PSD3: variants seen among roughly 807,000 people sequenced by gnomAD.
The protein encoded by PSD3 is pleckstrin and Sec7 domain containing 3.
Under a neutral mutation model 105.5 loss-of-function variants are expected in PSD3, and 49 were observed. That is an observed-to-expected ratio of 0.46 (90% CI 0.37 to 0.59). The LOEUF (loss-of-function observed/expected upper bound fraction) is 0.59, where lower values mean the gene tolerates loss of function less well. Among genes scored for constraint, PSD3 ranks in the 20% least tolerant of loss-of-function variants. The probability of loss-of-function intolerance (pLI) is 0.00; values close to 1 mark genes in which losing one functional copy is unlikely to be tolerated. For synonymous variants in PSD3, 557 were observed against 457.8 expected (o/e 1.22, Z -2.77); for missense variants, 1,561 against 1,263.8 (o/e 1.24, Z -3.57).
chr8:18,566,122 G>A (rs1563328373), intron 14 of PSD3, among the ~76,000 whole-genome samples: 2 of 152,084 alleles, frequency 1.3e-5, no homozygotes, highest in South Asian at 4.1e-4. Flanking sequence ...AGCCTCAGGT[G>A]CTACTCCAAA....
At chr8:19,083,851 A>C (rs1259048866) in intron 1 of PSD3, among the ~76,000 whole-genome samples, 1 of 152,194 alleles carries the variant, frequency 6.6e-6, no homozygotes, top group Non-Finnish European at 1.5e-5. Context: ...GATGTGAGAA[A>C]ATGCCTAGCA....
chr8:18,902,753 T>C (rs2129461165), intron 2 of PSD3, among the ~76,000 whole-genome samples: 1 of 152,342 alleles, frequency 6.6e-6, no homozygotes, highest in East Asian at 1.9e-4. Context: ...GTAGAGTCTC[T>C]GTGCAGACTC....
chr8:18,746,550 G>T (rs1585813658), intron 9 of PSD3, among the ~76,000 whole-genome samples: 1 of 152,206 alleles, frequency 6.6e-6, no homozygotes, highest in Non-Finnish European at 1.5e-5. Context: ...ACCTTGCGAA[G>T]TGACCAAGAA....
At chr8:19,082,623 A>G (rs1447626601) in intron 1 of PSD3, among the ~76,000 whole-genome samples, 2 of 152,204 alleles carry the variant, frequency 1.3e-5, no homozygotes, top group Admixed American at 6.5e-5. Flanking sequence ...ACTTGGACCA[A>G]TTCCCAAAGT....
chr8:18,661,214 G>A (rs1016039155), intron 9 of PSD3, among the ~76,000 whole-genome samples: 11 of 152,132 alleles, frequency 7.2e-5, no homozygotes, highest in African/African-American at 2.2e-4. Flanking sequence ...TGAAAAGTAT[G>A]GAGGATATCA....
At chr8:18,622,327 C>T (rs73213624) in intron 11 of PSD3, among the ~76,000 whole-genome samples, 10,011 of 152,168 alleles carry the variant, frequency 0.066, 449 homozygotes, top group African/African-American at 0.13. Context: ...TACAAAAAAA[C>T]CTTTTGAAAC....
At chr8:18,572,447 C>A (rs1211765863) in intron 14 of PSD3, 81 bp downstream of exon 14, 1 of 1,522,458 alleles carries the variant, frequency 6.6e-7, no homozygotes, top group Admixed American at 1.8e-5. Context: ...AAAACATGGA[C>A]TACTATCCAA....
At chr8:18,918,607 A>C (rs935457016) in intron 2 of PSD3, among the ~76,000 whole-genome samples, 1 of 152,232 alleles carries the variant, frequency 6.6e-6, no homozygotes, top group Non-Finnish European at 1.5e-5. Flanking sequence ...TGACATACTA[A>C]TAAACAAAAA....
Position 18,666,345 on chromosome 8 carries a change from C to T in PSD3, c.2173-10660G>A, listed in dbSNP as rs189428337. On this transcript the variant is annotated intron_variant, in intron 9 of 15. Transcript: ENST00000327040. ...TGATTAAAGGCGTGAGCCACCTCAC[C>T]CAGCTGTGTAAACATAACTTCTAAA... Among the ~76,000 whole-genome samples the T allele has an allele frequency of 9.7e-4, 148 of 152,340 alleles. 1 individual carries two copies. The highest frequency in any genetic ancestry group is 1.8e-4 in the Non-Finnish European group (12 of 68,026).
intron 2 of PSD3, among the ~76,000 whole-genome samples, chr8:18,929,051 G>A (rs1311176160): frequency 6.6e-6 from 1 of 152,084 alleles, no homozygotes; most frequent in Non-Finnish European, 1.5e-5. Flanking sequence ...TTCTATGAAC[G>A]TACTAAAAAT....
At chr8:18,872,897 C>T (rs575516008) in intron 2 of PSD3, among the ~76,000 whole-genome samples, 164 bp from the exon 3 acceptor site, 1 of 152,190 alleles carries the variant, frequency 6.6e-6, no homozygotes, top group South Asian at 2.1e-4. Flanking sequence ...CCTCATGACA[C>T]TACAGTGATC....
intron 8 of PSD3, among the ~76,000 whole-genome samples, chr8:18,784,116 G>C (rs972423466): frequency 2.0e-5 from 3 of 151,902 alleles, no homozygotes; most frequent in Admixed American, 6.6e-5. Context: ...TCCTATCCTT[G>C]AGCATTTTTC....
chr8:18,777,570 G>A (rs1808221854), intron 8 of PSD3, among the ~76,000 whole-genome samples: 1 of 151,920 alleles, frequency 6.6e-6, no homozygotes, highest in Non-Finnish European at 1.5e-5. Flanking sequence ...ATATTTATGG[G>A]GTACATGTGA....
At chr8:18,976,596 G>A (rs1824953725) in intron 1 of PSD3, among the ~76,000 whole-genome samples, 1 of 152,174 alleles carries the variant, frequency 6.6e-6, no homozygotes, top group African/African-American at 2.4e-5. Flanking sequence ...ACCTCATTAT[G>A]TCTTAATGTC....
chr8:18,549,988 AC>A lies in PSD3; in HGVS notation c.2928+6220del, dbSNP rs1450320948. On this transcript the variant is annotated intron_variant, in intron 15 of 15. Coordinates refer to ENST00000327040, the MANE Select transcript of PSD3 (RefSeq NM_015310.4). ...GAAAGGATAAGGTCATGCCAAATACACCAATTACAAGACTAAAATGGATTCC... is the reference window on the plus strand; with the variant it reads ...GAAAGGATAAGGTCATGCCAAATACACAATTACAAGACTAAAATGGATTCC... Among the ~76,000 whole-genome samples, 12 of 152,218 alleles carry A rather than the reference AC, an allele frequency of 7.9e-5. 1 individual carries two copies. The South Asian group carries it at 1.4e-3, about 18-fold the overall frequency.
At chr8:18,892,686 G>A (rs974165290) in intron 2 of PSD3, among the ~76,000 whole-genome samples, 11 of 148,018 alleles carry the variant, frequency 7.4e-5, no homozygotes, top group Non-Finnish European at 1.0e-4. Flanking sequence ...GTGCCGTGGC[G>A]TCATCTTGGC....
intron 2 of PSD3, among the ~76,000 whole-genome samples, chr8:18,916,349 T>TATATATAC (rs1563416971): frequency 2.2e-5 from 1 of 44,710 alleles, no homozygotes; most frequent in Non-Finnish European, 4.1e-5. Context: ...TATATATATA[T>TATATATAC]ACACACACAC....
chr8:18,568,461 G>C (rs544266327), intron 14 of PSD3, among the ~76,000 whole-genome samples: 3 of 150,650 alleles, frequency 2.0e-5, no homozygotes, highest in East Asian at 4.0e-4. Context: ...GGGAAATCAA[G>C]AGACAGTGAG....
At chr8:18,956,703 C>A (rs67534524) in intron 1 of PSD3, among the ~76,000 whole-genome samples, 109,063 of 152,140 alleles carry the variant, frequency 0.72, 39,332 homozygotes, top group Middle Eastern at 0.77. Flanking sequence ...TAGCACACAA[C>A]CTTGAGGCTA....
Sources: allele counts gnomAD v4.1 joint callset (sites outside exome capture counted in the v4.1 genomes callset), GRCh38; gene constraint gnomAD v4.1.1; transcripts MANE v1.5; gene names NCBI Gene and HGNC (gene_info 2026-07-23, HGNC 2026-07-21).